DNAH12: variants seen among roughly 807,000 people sequenced by gnomAD.
DNAH12 encodes the protein axonemal beta dynein heavy chain 12.
DNAH12 carries 285 observed loss-of-function variants against 371.5 expected under a neutral mutation model. That is an observed-to-expected ratio of 0.77 (90% CI 0.70 to 0.85). The LOEUF (loss-of-function observed/expected upper bound fraction) is 0.85, where lower values mean the gene tolerates loss of function less well. Ranked by LOEUF, DNAH12 falls within the 40% of genes least tolerant of loss-of-function variation. The probability of loss-of-function intolerance (pLI) is 0.00; values close to 1 mark genes in which losing one functional copy is unlikely to be tolerated. For missense variants in DNAH12, 3,611 were observed against 3,689.4 expected, an observed-to-expected ratio of 0.98 and a Z score of 0.55; for synonymous variants, 1,200 against 1,213.0, an observed-to-expected ratio of 0.99 and a Z score of 0.22.
At chr3:57,493,167 A>G (rs1334465372) in intron 11 of DNAH12, among the ~76,000 whole-genome samples, 3 of 152,332 alleles carry the variant, frequency 2.0e-5, no homozygotes, top group African/African-American at 7.2e-5. Flanking sequence ...ATAGCACTAT[A>G]TTGAGATATA....
At chr3:57,401,990 T>C (rs1401971613) in intron 43 of DNAH12, among the ~76,000 whole-genome samples, 1 of 152,224 alleles carries the variant, frequency 6.6e-6, no homozygotes, top group African/African-American at 2.4e-5. Flanking sequence ...CAGGAACTAA[T>C]ACTGTATCTG....
In DNAH12 at chr3:57,508,516, C is replaced by A. The variant is rs1428784794; in HGVS notation, c.567G>T (p.Trp189Cys). The A allele has an allele frequency of 6.2e-7, 1 of 1,611,444 alleles. No homozygotes were observed. The highest frequency in any genetic ancestry group is 1.3e-5 in the African/African-American group (1 of 74,678). The change falls in exon 7 of 74, where the codon TGG (tryptophan) becomes TGT (cysteine). Residue 189 changes from tryptophan (W) to cysteine (C), a missense_variant. Around this residue, in one of 3 missense-constraint regions of DNAH12, gnomAD observed 1,314 missense variants for 1,398.7 expected, o/e 0.94. Coordinates refer to ENST00000495027, the MANE Select transcript of DNAH12 (RefSeq NM_001366028.2). Reference sequence around the variant, plus strand: ...TTCTTGCCTGCACATAGCTAGAATGCCAAGGATTAGAATAATCTAGGCCTC... The same window carrying A: ...TTCTTGCCTGCACATAGCTAGAATGACAAGGATTAGAATAATCTAGGCCTC... ...SPVGLDYSNP[W>C]HSSYVQARNQ...
chr3:57,371,941 C>CAAAAAA lies in DNAH12; in HGVS notation c.8759+3424_8759+3429dup, dbSNP rs1169602185. Among the ~76,000 whole-genome samples, 163 of 25,844 alleles carry CAAAAAA rather than the reference C, an allele frequency of 6.3e-3. 5 individuals carry two copies. The highest frequency in any genetic ancestry group is 0.03 in the African/African-American group (136 of 4,488). 17.0% of individuals were successfully genotyped at this position (25,844 alleles called of 152,430 possible). Reference sequence around the variant, plus strand: ...TGTCAACCCAGAATTCTAAACTCAGCAAAAAAAAAAAAAAAAAAAAAAAAT... The same window carrying CAAAAAA: ...TGTCAACCCAGAATTCTAAACTCAGCAAAAAAAAAAAAAAAAAAAAAAAAAAAAAAT... On this transcript the variant is annotated intron_variant, in intron 55 of 73. Coordinates refer to ENST00000495027, the MANE Select transcript of DNAH12 (RefSeq NM_001366028.2).
At chr3:57,316,997 T>A (rs1327522501) in intron 65 of DNAH12, among the ~76,000 whole-genome samples, 2 of 152,236 alleles carry the variant, frequency 1.3e-5, no homozygotes, top group African/African-American at 2.4e-5. Flanking sequence ...CTCAGTTTCC[T>A]TATTTAACAA....
intron 69 of DNAH12, among the ~76,000 whole-genome samples, chr3:57,302,531 A>T (rs13095112): frequency 0.54 from 9,572 of 17,714 alleles, 1,591 homozygotes; most frequent in South Asian, 0.62. Flanking sequence ...CATCAGGTGT[A>T]TATATATATA....
chr3:57,325,292 C>T (rs562660861), intron 62 of DNAH12, among the ~76,000 whole-genome samples: 11 of 152,216 alleles, frequency 7.2e-5, no homozygotes, highest in Non-Finnish European at 1.3e-4. Context: ...TGACCTCTGA[C>T]CCCTGAGCAG....
chr3:57,393,131 A>C (rs890930626), intron 44 of DNAH12, among the ~76,000 whole-genome samples: 92 of 152,296 alleles, frequency 6.0e-4, no homozygotes, highest in African/African-American at 1.8e-3. Flanking sequence ...CAAACCTCAC[A>C]ACAACCCCAT....
chr3:57,555,918 G>T, the DNAH12 span, among the ~76,000 whole-genome samples: 5 of 152,318 alleles, frequency 3.3e-5, no homozygotes, highest in East Asian at 9.7e-4. Flanking sequence ...CTCGCAATCC[G>T]GGTGGAGGCC....
intron 49 of DNAH12, among the ~76,000 whole-genome samples, chr3:57,383,712 A>G (rs1364212626): frequency 1.3e-5 from 2 of 149,686 alleles, no homozygotes; most frequent in East Asian, 4.0e-4. Context: ...GTGAGCTATG[A>G]TCACATCGTT....
At chr3:57,322,893 G>A in intron 64 of DNAH12, 114 bp downstream of exon 64, 1 of 1,402,698 alleles carries the variant, frequency 7.1e-7, no homozygotes. Flanking sequence ...TTGCGCCACT[G>A]CACTCCAGCC....
At chr3:57,399,488 A>G (rs1198323563) in intron 43 of DNAH12, among the ~76,000 whole-genome samples, 4 of 152,232 alleles carry the variant, frequency 2.6e-5, no homozygotes, top group African/African-American at 9.6e-5. Flanking sequence ...TATACCAGCC[A>G]AATGGTAACT....
At chr3:57,296,537 T>C in intron 71 of DNAH12, 102 bp from the exon 72 acceptor site, 3 of 904,650 alleles carry the variant, frequency 3.3e-6, no homozygotes, top group Non-Finnish European at 5.0e-6. Context: ...GGAAACTCTA[T>C]TGTATAATAG....
At chr3:57,535,489 A>G (rs573231361) in intron 2 of DNAH12, among the ~76,000 whole-genome samples, 21 of 152,312 alleles carry the variant, frequency 1.4e-4, no homozygotes, top group African/African-American at 5.1e-4. Context: ...TGAACTTCCC[A>G]GTCTCTAGAA....
chr3:57,346,126 C>A (rs782429781), intron 60 of DNAH12, among the ~76,000 whole-genome samples: 1 of 151,968 alleles, frequency 6.6e-6, no homozygotes, highest in Non-Finnish European at 1.5e-5. Context: ...ATCACTATAA[C>A]CTGTATGTTC....
Position 57,435,373 on chromosome 3 carries a change from C to CCAAA in DNAH12, c.4656-1546_4656-1545insTTTG, listed in dbSNP as rs1553691248. Among the ~76,000 whole-genome samples, 526 of 94,766 alleles carry CCAAA rather than the reference C, an allele frequency of 5.6e-3. 9 individuals carry two copies. The highest frequency in any genetic ancestry group is 6.4e-3 in the Non-Finnish European group (317 of 49,594). The allele number at this position is 94,766 out of a possible 152,430, so 62.2% of individuals were successfully genotyped here. ...GGTGATAGACCAAGACTCTGTCTCC[C>CCAAA]AAAAAAAAAAAAAAAAAAAGAATAT... On this transcript the variant is annotated intron_variant, in intron 30 of 73. Transcript: ENST00000495027.
intron 59 of DNAH12, among the ~76,000 whole-genome samples, chr3:57,356,962 C>T (rs1045219937): frequency 6.6e-6 from 1 of 151,954 alleles, no homozygotes; most frequent in Admixed American, 6.6e-5. Context: ...AGGCTGGTCT[C>T]GAACTCCTGA....
chr3:57,302,911 A>G (rs111776232), intron 69 of DNAH12, among the ~76,000 whole-genome samples: 1,917 of 151,918 alleles, frequency 0.013, 30 homozygotes, highest in African/African-American at 0.044. Flanking sequence ...GTGACTACAC[A>G]TAGGTCTAGC....
intron 13 of DNAH12, among the ~76,000 whole-genome samples, chr3:57,473,829 C>T (rs1449979245): frequency 2.0e-5 from 3 of 151,492 alleles, no homozygotes; most frequent in Non-Finnish European, 2.9e-5. Flanking sequence ...AAAAGCAATC[C>T]GTGTAATTCG....
intron 70 of DNAH12, 172 bp from the exon 71 acceptor site, chr3:57,297,156 CT>C (rs1288616545): frequency 1.6e-6 from 1 of 610,662 alleles, no homozygotes; most frequent in Admixed American, 3.1e-5. Context: ...CCTCTTTCCC[CT>C]TCTACTCTTC....
Sources: allele counts gnomAD v4.1 joint callset (sites outside exome capture counted in the v4.1 genomes callset), GRCh38; gene constraint gnomAD v4.1.1; regional missense constraint gnomAD v4.1.1; transcripts MANE v1.5; gene names NCBI Gene and HGNC (gene_info 2026-07-23, HGNC 2026-07-21).